The following NIPAL2 variants were observed in gnomAD, a reference collection of about 807,000 sequenced individuals.
The protein encoded by NIPAL2 is NIPA like domain containing 2.
In NIPAL2, 43 loss-of-function variants were observed where a neutral mutation model predicts 48.9. That is an observed-to-expected ratio of 0.88 (90% CI 0.69 to 1.13). The LOEUF (loss-of-function observed/expected upper bound fraction) is 1.13. NIPAL2 is among the 50% of genes most tolerant of loss of function. NIPAL2 has a pLI of 0.00. For synonymous variants in NIPAL2, 167 were observed against 174.6 expected, an observed-to-expected ratio of 0.96 and a Z score of 0.34; for missense variants, 446 against 461.4, an observed-to-expected ratio of 0.97 and a Z score of 0.31.
intron 6 of NIPAL2, among the ~76,000 whole-genome samples, chr8:98,208,615 A>G (rs1811154825): frequency 2.0e-5 from 3 of 151,964 alleles, no homozygotes; most frequent in African/African-American, 7.3e-5. Flanking sequence ...CACCTGGCTA[A>G]TTTTTGTATT....
intron 1 of NIPAL2, among the ~76,000 whole-genome samples, chr8:98,277,949 G>T (rs894515651): frequency 6.6e-6 from 1 of 152,088 alleles, no homozygotes; most frequent in Non-Finnish European, 1.5e-5. Flanking sequence ...TCTGGCTTCA[G>T]TGTCCTTCTT....
chr8:98,197,020 C>T (rs10095887), intron 8 of NIPAL2, among the ~76,000 whole-genome samples: 54,121 of 151,614 alleles, frequency 0.36, 9,924 homozygotes, highest in South Asian at 0.51. Context: ...TTATTTTAAA[C>T]GATATACCAT....
At chr8:98,260,368 G>A (rs1015251325) in intron 1 of NIPAL2, among the ~76,000 whole-genome samples, 45 of 152,216 alleles carry the variant, frequency 3.0e-4, no homozygotes, top group Admixed American at 2.6e-4. Flanking sequence ...CTGAGGTACC[G>A]GGTTCATCTC....
chr8:98,200,606 T>A (rs1810753868), intron 8 of NIPAL2, among the ~76,000 whole-genome samples: 1 of 152,248 alleles, frequency 6.6e-6, no homozygotes, highest in Non-Finnish European at 1.5e-5. Flanking sequence ...TATACAAATG[T>A]CTTTTCAAGA....
chr8:98,209,897 C>T (rs964861698), intron 6 of NIPAL2, among the ~76,000 whole-genome samples: 1 of 151,946 alleles, frequency 6.6e-6, no homozygotes, highest in Admixed American at 6.6e-5. Context: ...CTCTCTAGGC[C>T]TGGTTCTTTT....
At chr8:98,243,322 A>C (rs1813097758) in intron 3 of NIPAL2, among the ~76,000 whole-genome samples, 1 of 152,212 alleles carries the variant, frequency 6.6e-6, no homozygotes, top group African/African-American at 2.4e-5. Flanking sequence ...GGAAACGTAC[A>C]CTTGGGCATT....
chr8:98,242,696 G>T (rs1813059065), intron 3 of NIPAL2, among the ~76,000 whole-genome samples: 1 of 151,982 alleles, frequency 6.6e-6, no homozygotes, highest in South Asian at 2.1e-4. Context: ...ATATTGGCCA[G>T]GCTGGTTCTG....
rs180789861 is a variant in NIPAL2, at chr8:98,204,523, G to A, written c.791+588C>T. Among the ~76,000 whole-genome samples, 96 of 152,196 alleles carry A rather than the reference G, an allele frequency of 6.3e-4. 1 individual carries two copies. In the East Asian group the frequency reaches 0.018, roughly 28 times the overall value. On this transcript the variant is annotated intron_variant, in intron 7 of 10. Transcript: ENST00000430223. ...GGGAAGTGATTAGAGTTGATGGAGT[G>A]GGGGCAGGGAAGAGCAGAAATTAAA... is the stretch of plus-strand genomic sequence containing the variant.
chr8:98,212,509 T>C lies in NIPAL2; in HGVS notation c.559-8A>G, dbSNP rs1331982221. ...AATTAATATTTCTAAAATCTAGAAATGAAAAAGATGGAAAAGAGTAAGTTA... is the reference window on the plus strand; with the variant it reads ...AATTAATATTTCTAAAATCTAGAAACGAAAAAGATGGAAAAGAGTAAGTTA... On this transcript the variant is annotated splice_polypyrimidine_tract_variant and splice_region_variant and intron_variant, in intron 5 of 10. Coordinates refer to ENST00000430223, the MANE Select transcript of NIPAL2 (RefSeq NM_001321635.2). The C allele has an allele frequency of 8.6e-6, 11 of 1,273,886 alleles. No homozygotes were observed. Among genetic ancestry groups the C allele is most frequent in the Non-Finnish European group, 1.3e-5 (11 of 876,334 alleles). 78.9% of individuals were successfully genotyped at this position (1,273,886 alleles called of 1,614,324 possible). A position where few individuals can be genotyped will look rare whatever the true frequency, so the allele number is the denominator to read the frequency against.
intron 4 of NIPAL2, among the ~76,000 whole-genome samples, chr8:98,231,576 C>T (rs1205430393): frequency 1.3e-5 from 2 of 152,104 alleles, no homozygotes; most frequent in Non-Finnish European, 2.9e-5. Context: ...CTATAGTTTT[C>T]AGCCGATTGA....
intron 1 of NIPAL2, among the ~76,000 whole-genome samples, chr8:98,268,243 A>ATT (rs550092530): frequency 6.6e-6 from 1 of 151,902 alleles, no homozygotes; most frequent in Admixed American, 6.6e-5. Flanking sequence ...CTTATGATGC[A>ATT]TTTTTTTTGG....
Position 98,192,886 on chromosome 8 carries a change from C to T in NIPAL2, c.*92G>A. 1 of 784,676 alleles carries T rather than the reference C, an allele frequency of 1.3e-6. No homozygotes were observed. The allele number at this position is 784,676 out of a possible 1,614,324, so 48.6% of individuals were successfully genotyped here. A position where few individuals can be genotyped will look rare whatever the true frequency, so the allele number is the denominator to read the frequency against. On this transcript the variant is annotated 3_prime_UTR_variant, in exon 11 of 11. Coordinates refer to ENST00000430223, the MANE Select transcript of NIPAL2 (RefSeq NM_001321635.2). Reference sequence around the variant, plus strand: ...TGAAATGAATGCTAGCACATGTTAGCTTATAAAAGAGCTGCTGACACAAAT... The same window carrying T: ...TGAAATGAATGCTAGCACATGTTAGTTTATAAAAGAGCTGCTGACACAAAT...
At chr8:98,217,313 G>A (rs760836296) in intron 5 of NIPAL2, 91 of 981,944 alleles carry the variant, frequency 9.3e-5, no homozygotes, top group Non-Finnish European at 1.1e-4. Flanking sequence ...CACAAGACAA[G>A]GGGTTGATGT....
intron 1 of NIPAL2, 124 bp downstream of exon 1, chr8:98,293,879 A>T: frequency 3.2e-6 from 3 of 928,232 alleles, no homozygotes; most frequent in Non-Finnish European, 4.4e-6. Flanking sequence ...ACCTCTTCCC[A>T]CTCGGAGAGG....
intron 4 of NIPAL2, among the ~76,000 whole-genome samples, chr8:98,233,694 G>A (rs552443115): frequency 1.3e-5 from 2 of 152,130 alleles, no homozygotes; most frequent in African/African-American, 2.4e-5. Context: ...TTGATCATGC[G>A]TTCTCTAAGT....
At position 98,222,598 on chromosome 8, in the gene NIPAL2, T is replaced by C; in HGVS notation, c.439A>G (p.Thr147Ala). ...TATGTTCCTGCAAATGCCAGTGTCG[T>C]ACCTTTAAATAAAATTGAAAAGAAA... ...DNLRASDLLG[T>A]TLAFAGTYLL... The change falls in exon 5 of 11, where the codon ACG (threonine) becomes GCG (alanine). Residue 147 changes from threonine (T) to alanine (A), a missense_variant and splice_region_variant. Thr to Ala is a moderately conservative substitution (Grantham distance 58, BLOSUM62 0). Coordinates refer to ENST00000430223, the MANE Select transcript of NIPAL2 (RefSeq NM_001321635.2). 6.2e-7 allele frequency: 1 copy of C among 1,606,248 alleles called. No homozygotes were observed. Among genetic ancestry groups the C allele is most frequent in the Middle Eastern group, 1.7e-4 (1 of 6,038 alleles).
chr8:98,205,018 T>C, intron 7 of NIPAL2, 93 bp downstream of exon 7: 1 of 1,355,464 alleles, frequency 7.4e-7, no homozygotes, highest in Non-Finnish European at 1.0e-6. Flanking sequence ...CAGTTGTATC[T>C]CATTTTAATT....
chr8:98,285,434 A>G (rs34536038), intron 1 of NIPAL2, among the ~76,000 whole-genome samples: 34,530 of 152,156 alleles, frequency 0.23, 5,139 homozygotes, highest in Non-Finnish European at 0.34. Flanking sequence ...TGGTCTTAAC[A>G]TCATCCAATC....
chr8:98,294,059 C>A lies in NIPAL2; in HGVS notation c.79G>T (p.Gly27Trp), dbSNP rs1034876580. ...LDELSLNFTYGAPGAGNGSLS... is the reference protein window; with the variant it reads ...LDELSLNFTYWAPGAGNGSLS... ...GAGCCGTTGCCGGCGCCTGGTGCCC[C>A]GTACGTGAAATTCAGTGACAGCTCG... Residue 27 changes from glycine to tryptophan, a missense_variant, in exon 1 of 11, where the codon GGG becomes TGG. Coordinates refer to ENST00000430223, the MANE Select transcript of NIPAL2 (RefSeq NM_001321635.2). The A allele has an allele frequency of 6.7e-7, 1 of 1,500,916 alleles. No individual in the cohort carries two copies. The allele number at this position is 1,500,916 out of a possible 1,614,324, so 93.0% of individuals were successfully genotyped here.
Sources: gnomAD v4.1 joint callset for allele counts (sites outside exome capture counted in the v4.1 genomes callset) on GRCh38, gnomAD v4.1.1 for gene constraint, MANE v1.5 for transcripts, NCBI Gene and HGNC (gene_info 2026-07-23, HGNC 2026-07-21) for gene names.